Variants in ERCC3 observed in about 807,000 individuals in gnomAD.
ERCC3 encodes the protein general transcription and DNA repair factor IIH helicase/translocase subunit XPB.
Under a neutral mutation model 94.2 loss-of-function variants are expected in ERCC3, and 66 were observed. That is an observed-to-expected ratio of 0.70 (90% CI 0.57 to 0.86). ERCC3 has a LOEUF of 0.86. Among genes scored for constraint, ERCC3 ranks in the 40% least tolerant of loss-of-function variants. ERCC3 has a pLI of 0.00. For synonymous variants in ERCC3, 349 were observed against 369.1 expected, an observed-to-expected ratio of 0.95 and a Z score of 0.63; for missense variants, 829 against 987.1, an observed-to-expected ratio of 0.84 and a Z score of 2.15.
At chr2:127,286,627 G>C in intron 8 of ERCC3, 76 bp downstream of exon 8, 1 of 1,409,186 alleles carries the variant, frequency 7.1e-7, no homozygotes, top group Non-Finnish European at 1.0e-6. Flanking sequence ...CTACACAGCA[G>C]TCCCTTTCCC....
chr2:127,278,915 C>T (rs1343196834), intron 10 of ERCC3, among the ~76,000 whole-genome samples: 2 of 152,168 alleles, frequency 1.3e-5, no homozygotes, highest in Non-Finnish European at 2.9e-5. Context: ...GGGCCCCACC[C>T]AGCTCAGTCC....
intron 8 of ERCC3, among the ~76,000 whole-genome samples, chr2:127,285,533 A>T (rs1685037011): frequency 6.6e-6 from 1 of 152,132 alleles, no homozygotes; most frequent in African/African-American, 2.4e-5. Flanking sequence ...TCTACTAAAA[A>T]TATAAAATTA....
chr2:127,289,981 C>T, intron 4 of ERCC3, 157 bp from the exon 5 acceptor site: 1 of 941,084 alleles, frequency 1.1e-6, no homozygotes, highest in Non-Finnish European at 1.7e-6. Context: ...CATGATTTAA[C>T]ATATGAGGGT....
intron 8 of ERCC3, among the ~76,000 whole-genome samples, chr2:127,285,247 G>C (rs929072391): frequency 6.6e-6 from 1 of 152,190 alleles, no homozygotes; most frequent in Non-Finnish European, 1.5e-5. Flanking sequence ...CTGCAAATGA[G>C]TACAAAGGAA....
chr2:127,291,030 C>T lies in ERCC3; in HGVS notation c.472-757G>A. On this transcript the variant is annotated intron_variant, in intron 3 of 14. Coordinates refer to ENST00000285398, the MANE Select transcript of ERCC3 (RefSeq NM_000122.2). This position sits in a 1 kb window ranked among gnomAD's most constrained non-coding sequence, Gnocchi z 4.9. ...CTGGGAGGTAGAGGTTGCAGTGAGC[C>T]AAGATCATGCCACTGCTATCCAGCC... The T allele has an allele frequency of 6.6e-6, 1 of 152,266 alleles. No individual in the cohort carries two copies. Among genetic ancestry groups the T allele is most frequent in the Non-Finnish European group, 1.5e-5 (1 of 68,198 alleles). The allele number at this position is 152,266 out of a possible 1,614,324, so 9.4% of individuals were successfully genotyped here. A position where few individuals can be genotyped will look rare whatever the true frequency, so the allele number is the denominator to read the frequency against.
At chr2:127,266,411 C>T (rs1452571279) in intron 12 of ERCC3, among the ~76,000 whole-genome samples, 1 of 146,912 alleles carries the variant, frequency 6.8e-6, no homozygotes, top group East Asian at 2.0e-4. Flanking sequence ...TCTCGGCTCA[C>T]TGCAAGCTCC....
chr2:127,288,633 C>T (rs368172189), intron 7 of ERCC3, 27 bp downstream of exon 7: 3 of 1,598,024 alleles, frequency 1.9e-6, no homozygotes, highest in African/African-American at 2.7e-5. Flanking sequence ...ACAGCCTGAC[C>T]ACCTTCTTAA....
rs1364805227 is a variant in ERCC3, at chr2:127,291,587, G to T, written c.471+1023C>A. On this transcript the variant is annotated intron_variant, in intron 3 of 14. Coordinates refer to ENST00000285398, the MANE Select transcript of ERCC3 (RefSeq NM_000122.2). This position sits in a 1 kb window ranked among gnomAD's most constrained non-coding sequence, Gnocchi z 4.9. ...GGCACGCTTTCACATCACAGGAAAA[G>T]AGAGTTCTCTCCAGGACTCCTGCAG... 1.3e-5 allele frequency among the ~76,000 whole-genome samples: 2 copies of T among 152,176 alleles called. No individual in the cohort carries two copies. Among genetic ancestry groups the T allele is most frequent in the South Asian group, 4.1e-4 (2 of 4,830 alleles).
At chr2:127,289,260 G>T in intron 6 of ERCC3, 77 bp downstream of exon 6, 2 of 1,315,660 alleles carry the variant, frequency 1.5e-6, no homozygotes, top group Non-Finnish European at 1.1e-6. Flanking sequence ...CAGACTACAG[G>T]CAGAGTCGAC....
intron 12 of ERCC3, among the ~76,000 whole-genome samples, chr2:127,269,484 C>T (rs1419971670): frequency 1.4e-5 from 2 of 146,004 alleles, no homozygotes; most frequent in African/African-American, 5.1e-5. Context: ...TGCAGTGGCG[C>T]AATCTCGGCT....
chr2:127,286,368 G>A (rs1685065782), intron 8 of ERCC3, among the ~76,000 whole-genome samples: 1 of 152,078 alleles, frequency 6.6e-6, no homozygotes, highest in Admixed American at 6.6e-5. Context: ...GGCCAAGATG[G>A]GGAAACCCTG....
At chr2:127,272,548 CCTA>C (rs1193442279) in intron 11 of ERCC3, among the ~76,000 whole-genome samples, 1 of 152,150 alleles carries the variant, frequency 6.6e-6, no homozygotes, top group Non-Finnish European at 1.5e-5. Context: ...CATCTAAATG[CCTA>C]CTTTTGCCAG....
intron 3 of ERCC3, chr2:127,290,608 CCA>C: frequency 2.5e-6 from 1 of 407,924 alleles, no homozygotes; most frequent in Non-Finnish European, 4.6e-6. Flanking sequence ...TACTACAACT[CCA>C]CAGAGTATGT....
rs886214872 is a variant in ERCC3 at position 127,257,404 on chromosome 2, T to C, written c.*192A>G. ...CTCCCCAAAAAGTTTGAAAAAATAT[T>C]GTCTCCTCCTCCTTTATAAAACCCT... On this transcript the variant is annotated 3_prime_UTR_variant, in exon 15 of 15. Transcript: ENST00000285398. This position sits in a 1 kb window ranked among gnomAD's most constrained non-coding sequence, Gnocchi z 5.4. The C allele has an allele frequency of 2.9e-6, 2 of 695,686 alleles. No individual in the cohort carries two copies. Among genetic ancestry groups the C allele is most frequent in the Non-Finnish European group, 5.1e-6 (2 of 390,036 alleles). The allele number at this position is 695,686 out of a possible 1,614,324, so 43.1% of individuals were successfully genotyped here.
chr2:127,261,713 C>T, intron 12 of ERCC3: 1 of 319,666 alleles, frequency 3.1e-6, no homozygotes, highest in Non-Finnish European at 6.0e-6. Context: ...CCAGTAAGCA[C>T]ATGAAATGAT....
chr2:127,288,527 G>A (rs541117770), intron 7 of ERCC3, 133 bp downstream of exon 7: 142 of 832,212 alleles, frequency 1.7e-4, no homozygotes, highest in Admixed American at 7.6e-4. Flanking sequence ...GTCAAGTCAT[G>A]AATCAGGGAG....
In ERCC3 at chr2:127,258,224, T is replaced by C. The variant is rs143773427; in HGVS notation, c.2218-497A>G. 6.6e-6 allele frequency among the ~76,000 whole-genome samples: 1 copy of C among 152,170 alleles called. No individual in the cohort carries two copies. The highest frequency in any genetic ancestry group is 2.4e-5 in the African/African-American group (1 of 41,442). ...CTGGGATTACAGACATGAGCCACCA[T>C]GCCTGGCCTGAACAGAATTTTTTAA... On this transcript the variant is annotated intron_variant, in intron 14 of 14. Coordinates refer to ENST00000285398, the MANE Select transcript of ERCC3 (RefSeq NM_000122.2). The surrounding 1 kb of genome is among the most constrained non-coding windows in gnomAD (Gnocchi z 4.1).
chr2:127,280,545 T>C lies in ERCC3; in HGVS notation c.1429A>G (p.Ile477Val). Residue 477 changes from isoleucine to valine, a missense_variant, in exon 9 of 15, where the codon ATT becomes GTT. Physicochemically the swap from Ile to Val is conservative, Grantham distance 29. Coordinates refer to ENST00000285398, the MANE Select transcript of ERCC3 (RefSeq NM_000122.2). The surrounding 1 kb of genome is among the most constrained non-coding windows in gnomAD (Gnocchi z 6.3). ...CCAATCAGAAAATTTAAATCCACAA[T>C]TTTGTCATCTTCGCGGACGAGGGTC... ...TATLVREDDK[I>V]VDLNFLIGPK... is the part of the protein sequence containing the mutation. The C allele has an allele frequency of 6.2e-7, 1 of 1,614,182 alleles. No individual in the cohort carries two copies. The highest frequency in any genetic ancestry group is 1.1e-5 in the South Asian group (1 of 91,076).
rs1007565890 is a variant in ERCC3 at position 127,283,567 on chromosome 2, C to T, written c.1343-2936G>A. 2.0e-5 allele frequency among the ~76,000 whole-genome samples: 3 copies of T among 152,208 alleles called. No individual in the cohort carries two copies. In the East Asian group the frequency reaches 5.8e-4, roughly 29 times the overall value. On this transcript the variant is annotated intron_variant, in intron 8 of 14. Coordinates refer to ENST00000285398, the MANE Select transcript of ERCC3 (RefSeq NM_000122.2). Reference sequence around the variant, plus strand: ...CGTGTACAGGATTTTGTGTAAACCTCTTTTCATGTATCCAGGATACACAGG... The same window carrying T: ...CGTGTACAGGATTTTGTGTAAACCTTTTTTCATGTATCCAGGATACACAGG...
Sources: allele counts gnomAD v4.1 joint callset (sites outside exome capture counted in the v4.1 genomes callset), GRCh38; gene constraint gnomAD v4.1.1; non-coding constraint Gnocchi (gnomAD v3.1); transcripts MANE v1.5; gene names NCBI Gene and HGNC (gene_info 2026-07-23, HGNC 2026-07-21).